DAB1: variants seen among roughly 807,000 people sequenced by gnomAD.
DAB1 encodes the protein disabled homolog 1.
DAB1 carries 15 observed loss-of-function variants against 64.6 expected under a neutral mutation model. The observed-to-expected ratio is 0.23, with a 90% CI of 0.16 to 0.36. The LOEUF is 0.36. DAB1 is among the 10% of genes least tolerant of loss of function. DAB1 has a pLI of 1.00. For synonymous variants in DAB1, 235 were observed against 251.9 expected (o/e 0.93, Z 0.64); for missense variants, 596 against 706.7 (o/e 0.84, Z 1.78).
chr1:57,447,187 C>T (rs1686173206), intron 7 of DAB1, among the ~76,000 whole-genome samples: 1 of 152,150 alleles, frequency 6.6e-6, no homozygotes, highest in African/African-American at 2.4e-5. Flanking sequence ...GAGTGCTTTA[C>T]ATACCCGCTC....
intron 7 of DAB1, chr1:57,606,093 G>A: frequency 2.0e-6 from 1 of 506,238 alleles, no homozygotes; most frequent in Non-Finnish European, 3.7e-6. Context: ...CTCTGATCAA[G>A]TCAGCACATA....
intron 7 of DAB1, among the ~76,000 whole-genome samples, chr1:57,618,168 A>C (rs1024980235): frequency 6.6e-6 from 1 of 152,150 alleles, no homozygotes; most frequent in Admixed American, 6.5e-5. Flanking sequence ...TAATCCCAGC[A>C]CTTTGGGAGG....
intron 7 of DAB1, among the ~76,000 whole-genome samples, chr1:57,445,949 G>C (rs1686121021): frequency 6.6e-6 from 1 of 152,164 alleles, no homozygotes; most frequent in Non-Finnish European, 1.5e-5. Flanking sequence ...TACAAAAGGA[G>C]TATTCTGAAT....
intron 2 of DAB1, among the ~76,000 whole-genome samples, chr1:57,180,577 T>C (rs1362200574): frequency 6.6e-6 from 1 of 152,172 alleles, no homozygotes; most frequent in Non-Finnish European, 1.5e-5. Context: ...TGGCCTAAGA[T>C]AGTCTTCTAC....
intron 5 of DAB1, among the ~76,000 whole-genome samples, chr1:58,017,203 G>A (rs922809199): frequency 2.6e-5 from 4 of 151,682 alleles, no homozygotes; most frequent in South Asian, 2.1e-4. Flanking sequence ...CAATCAGTTC[G>A]CAGGATGACA....
intron 7 of DAB1, among the ~76,000 whole-genome samples, chr1:57,588,658 A>G (rs1008357860): frequency 2.6e-5 from 4 of 152,226 alleles, no homozygotes; most frequent in African/African-American, 9.6e-5. Flanking sequence ...TTTCTTATTT[A>G]TGTAGCATTT....
intron 4 of DAB1, among the ~76,000 whole-genome samples, chr1:58,233,900 T>A (rs1659897185): frequency 6.6e-6 from 1 of 152,184 alleles, no homozygotes; most frequent in Non-Finnish European, 1.5e-5. Context: ...AAGAAAGACC[T>A]AAACTTAAAT....
intron 4 of DAB1, among the ~76,000 whole-genome samples, chr1:58,162,061 G>A (rs1655566066): frequency 6.6e-6 from 1 of 152,092 alleles, no homozygotes; most frequent in Non-Finnish European, 1.5e-5. Context: ...GTTATTTAGG[G>A]GGAAGAGGTA....
chr1:57,540,251 T>C (rs1201761748), intron 7 of DAB1, among the ~76,000 whole-genome samples: 9 of 152,238 alleles, frequency 5.9e-5, no homozygotes, highest in African/African-American at 2.4e-5. Context: ...CATGATATCA[T>C]CTTACCCCAG....
At chr1:58,067,110 C>A (rs1382280170) in intron 5 of DAB1, among the ~76,000 whole-genome samples, 1 of 152,202 alleles carries the variant, frequency 6.6e-6, no homozygotes, top group Non-Finnish European at 1.5e-5. Flanking sequence ...TTGTTATTCT[C>A]TCCTATTACA....
At chr1:57,755,056 A>G (rs555841000) in intron 6 of DAB1, among the ~76,000 whole-genome samples, 169 of 152,210 alleles carry the variant, frequency 1.1e-3, no homozygotes, top group Non-Finnish European at 2.0e-3. Context: ...AATAAAACAG[A>G]AAACATTTCT....
chr1:57,286,462 T>A (rs1672324082), intron 2 of DAB1, among the ~76,000 whole-genome samples: 1 of 152,232 alleles, frequency 6.6e-6, no homozygotes, highest in South Asian at 2.1e-4. Context: ...AAGAGTATGA[T>A]GTCAACTACA....
At chr1:57,068,815 A>G (rs763415452) in intron 8 of DAB1, among the ~76,000 whole-genome samples, 7 of 152,300 alleles carry the variant, frequency 4.6e-5, no homozygotes, top group Non-Finnish European at 1.0e-4. Flanking sequence ...CCCTATAAAA[A>G]CAGAATTAAA....
intron 1 of DAB1, chr1:58,546,631 G>T: frequency 6.6e-6 from 1 of 151,236 alleles, no homozygotes; most frequent in Non-Finnish European, 1.5e-5. Flanking sequence ...CCCCACTGCC[G>T]CACTCTGCCT....
At chr1:57,535,698 G>A (rs911216510) in intron 7 of DAB1, among the ~76,000 whole-genome samples, 1 of 151,922 alleles carries the variant, frequency 6.6e-6, no homozygotes, top group South Asian at 2.1e-4. Context: ...CTGACCTCGT[G>A]ATCCACCCGC....
chr1:58,507,008 G>A (rs886653960), intron 2 of DAB1, among the ~76,000 whole-genome samples: 14 of 151,944 alleles, frequency 9.2e-5, no homozygotes, highest in African/African-American at 3.4e-4. Flanking sequence ...ACATATCTGA[G>A]AAGCTATTTA....
chr1:58,447,539 A>G (rs563568144), intron 3 of DAB1, among the ~76,000 whole-genome samples: 9 of 149,908 alleles, frequency 6.0e-5, no homozygotes, highest in East Asian at 1.9e-4. Flanking sequence ...AGTGGTCAGC[A>G]AAAGAAACAC....
intron 4 of DAB1, among the ~76,000 whole-genome samples, chr1:58,257,452 T>C (rs539324704): frequency 6.6e-6 from 1 of 152,298 alleles, no homozygotes; most frequent in African/African-American, 2.4e-5. Context: ...CCTTTTTTTT[T>C]CTTTCCCTGA....
intron 2 of DAB1, among the ~76,000 whole-genome samples, chr1:57,268,379 A>T (rs573069363): frequency 6.6e-6 from 1 of 152,280 alleles, no homozygotes; most frequent in African/African-American, 2.4e-5. Context: ...TAACATTTAA[A>T]GTGGGCTTCC....
Sources: allele counts gnomAD v4.1 joint callset (sites outside exome capture counted in the v4.1 genomes callset), GRCh38; gene constraint gnomAD v4.1.1; transcripts MANE v1.5; gene names NCBI Gene and HGNC (gene_info 2026-07-23, HGNC 2026-07-21).